The following MTA3 variants were observed in gnomAD, a reference collection of about 807,000 sequenced individuals.
MTA3 encodes metastasis associated 1 family member 3, also known as metastasis-associated protein MTA3.
MTA3 carries 34 observed loss-of-function variants against 83.5 expected under a neutral mutation model. The ratio of observed to expected loss-of-function variants is 0.41; its 90% CI spans 0.31 to 0.54. MTA3 has a LOEUF of 0.54. Ranked by LOEUF, MTA3 falls within the 20% of genes least tolerant of loss-of-function variation. The probability of loss-of-function intolerance (pLI) is 0.33; values close to 1 mark genes in which losing one functional copy is unlikely to be tolerated. For synonymous variants in MTA3, 303 were observed against 252.7 expected (o/e 1.20, Z -1.89); for missense variants, 761 against 726.4 (o/e 1.05, Z -0.55).
chr2:42,538,257 T>A (rs763966612), intron 2 of MTA3, among the ~76,000 whole-genome samples: 25 of 151,762 alleles, frequency 1.6e-4, no homozygotes, highest in Non-Finnish European at 2.5e-4. Context: ...TAAAATAATT[T>A]TGACAATAAT....
At chr2:42,709,830 A>G (rs1283166007) in intron 14 of MTA3, among the ~76,000 whole-genome samples, 1 of 152,192 alleles carries the variant, frequency 6.6e-6, no homozygotes, top group African/African-American at 2.4e-5. Context: ...TAACATTTAC[A>G]TGACTTACTA....
chr2:42,535,359 C>T (rs1266157887), intron 2 of MTA3, among the ~76,000 whole-genome samples: 1 of 152,132 alleles, frequency 6.6e-6, no homozygotes, highest in East Asian at 1.9e-4. Context: ...TGCACTCCAG[C>T]CTGGGCAACA....
chr2:42,547,388 C>G (rs964026008), intron 2 of MTA3, among the ~76,000 whole-genome samples: 1 of 152,232 alleles, frequency 6.6e-6, no homozygotes, highest in African/African-American at 2.4e-5. Context: ...AGTGCAGTGG[C>G]GCAATCTCTG....
intron 12 of MTA3, among the ~76,000 whole-genome samples, chr2:42,704,831 C>G (rs923839443): frequency 6.6e-6 from 1 of 152,178 alleles, no homozygotes; most frequent in Non-Finnish European, 1.5e-5. Flanking sequence ...CTGTATTTAT[C>G]TATGGTGGCA....
In MTA3 at chr2:42,756,093, C is replaced by G. The variant is rs570387082; in HGVS notation, c.*2694C>G. On this transcript the variant is annotated 3_prime_UTR_variant, in exon 17 of 17. Coordinates refer to ENST00000405094, the MANE Select transcript of MTA3 (RefSeq NM_001330442.2). ...ACACAAAACAAGAAAAGCTGAGAGGCAAAACAGGGGAGTGAGGGGCAACCC... is the reference window on the plus strand; with the variant it reads ...ACACAAAACAAGAAAAGCTGAGAGGGAAAACAGGGGAGTGAGGGGCAACCC... The G allele has an allele frequency of 2.2e-5, 20 of 916,840 alleles. No homozygotes were observed. The highest frequency in any genetic ancestry group is 2.3e-5 in the Non-Finnish European group (18 of 767,430). The allele number at this position is 916,840 out of a possible 1,614,324, so 56.8% of individuals were successfully genotyped here. A position where few individuals can be genotyped will look rare whatever the true frequency, so the allele number is the denominator to read the frequency against.
At chr2:42,573,628 A>G (rs1678723345) in intron 2 of MTA3, among the ~76,000 whole-genome samples, 1 of 152,152 alleles carries the variant, frequency 6.6e-6, no homozygotes, top group African/African-American at 2.4e-5. Context: ...CTTCTGCCTC[A>G]GCCTCCCGAA....
At chr2:42,548,323 G>T (rs1486282386) in intron 2 of MTA3, among the ~76,000 whole-genome samples, 1 of 152,004 alleles carries the variant, frequency 6.6e-6, no homozygotes, top group Non-Finnish European at 1.5e-5. Flanking sequence ...AAAATTAGCG[G>T]AGCTTGGTGG....
At chr2:42,653,824 A>G (rs759371167) in intron 6 of MTA3, among the ~76,000 whole-genome samples, 7 of 152,226 alleles carry the variant, frequency 4.6e-5, no homozygotes, top group Non-Finnish European at 1.0e-4. Flanking sequence ...GGAGTATACA[A>G]CAGAAGGGGC....
chr2:42,753,360 C>A lies in MTA3; in HGVS notation c.1760-14C>A. On this transcript the variant is annotated splice_polypyrimidine_tract_variant and intron_variant, in intron 16 of 16. Coordinates refer to ENST00000405094, the MANE Select transcript of MTA3 (RefSeq NM_001330442.2). ...GACTTGTTTAACCTTCACACTGTTA[C>A]TTCCCTTTTCTAGAACTCACGTGCT... 1 of 1,550,568 alleles carries A rather than the reference C, an allele frequency of 6.4e-7. No homozygotes were observed. Among genetic ancestry groups the A allele is most frequent in the Non-Finnish European group, 8.7e-7 (1 of 1,146,954 alleles).
chr2:42,601,063 C>G (rs1043873943), intron 3 of MTA3, among the ~76,000 whole-genome samples: 1 of 152,068 alleles, frequency 6.6e-6, no homozygotes, highest in Non-Finnish European at 1.5e-5. Context: ...TGCGCCTCCA[C>G]GTCCGGCTAA....
rs72800096 is a variant in MTA3 at position 42,613,256 on chromosome 2, T to G, written c.317+3672T>G. 1.6e-3 allele frequency among the ~76,000 whole-genome samples: 243 copies of G among 152,364 alleles called. 1 individual carries two copies. The highest frequency in any genetic ancestry group is 2.7e-3 in the Non-Finnish European group (182 of 68,038). On this transcript the variant is annotated intron_variant, in intron 4 of 16. Coordinates refer to ENST00000405094, the MANE Select transcript of MTA3 (RefSeq NM_001330442.2). Reference sequence around the variant, plus strand: ...GATAATTGAGACAAGGGACCTAGCTTATAAATTCAGTGAGTTTACCGGGTG... The same window carrying G: ...GATAATTGAGACAAGGGACCTAGCTGATAAATTCAGTGAGTTTACCGGGTG...
intron 16 of MTA3, among the ~76,000 whole-genome samples, chr2:42,731,464 A>G (rs1454152019): frequency 1.3e-5 from 2 of 152,216 alleles, no homozygotes; most frequent in Non-Finnish European, 1.5e-5. Context: ...CACTTTTTAC[A>G]TGGTGGCAGC....
intron 2 of MTA3, among the ~76,000 whole-genome samples, chr2:42,562,304 C>G (rs1677707814): frequency 6.6e-6 from 1 of 152,064 alleles, no homozygotes; most frequent in Non-Finnish European, 1.5e-5. Context: ...TGGGGGGCCA[C>G]CATTCAACCC....
chr2:42,580,589 C>T (rs1008591377), intron 3 of MTA3, among the ~76,000 whole-genome samples: 1 of 149,732 alleles, frequency 6.7e-6, no homozygotes, highest in East Asian at 2.0e-4. Flanking sequence ...TCAGGCTGGT[C>T]TGGAACTCCT....
At chr2:42,753,098 TA>T (rs1328622542) in intron 16 of MTA3, among the ~76,000 whole-genome samples, 2 of 152,068 alleles carry the variant, frequency 1.3e-5, no homozygotes, top group Non-Finnish European at 2.9e-5. Context: ...GCTAACTTTT[TA>T]TTTTTATTTT....
intron 2 of MTA3, among the ~76,000 whole-genome samples, chr2:42,523,274 G>A (rs910408641): frequency 4.6e-5 from 7 of 152,156 alleles, no homozygotes; most frequent in East Asian, 1.9e-4. Flanking sequence ...TCCTGAGTAA[G>A]GAAGCAGTTA....
intron 2 of MTA3, among the ~76,000 whole-genome samples, chr2:42,546,601 C>G (rs1191727439): frequency 6.6e-6 from 1 of 152,102 alleles, no homozygotes; most frequent in Admixed American, 6.6e-5. Context: ...TCTAGTCAAA[C>G]TAGAGGCGTT....
intron 4 of MTA3, among the ~76,000 whole-genome samples, chr2:42,627,474 T>C (rs1686220149): frequency 6.6e-6 from 1 of 152,212 alleles, no homozygotes; most frequent in Non-Finnish European, 1.5e-5. Context: ...TTCTTCTTAG[T>C]CTTTCCCTTT....
chr2:42,537,222 A>T (rs1383247591), intron 2 of MTA3, among the ~76,000 whole-genome samples: 1 of 152,160 alleles, frequency 6.6e-6, no homozygotes, highest in African/African-American at 2.4e-5. Flanking sequence ...ACTAAAAAAC[A>T]ACCAGTCAAG....
Sources: gnomAD v4.1 joint callset for allele counts (sites outside exome capture counted in the v4.1 genomes callset) on GRCh38, gnomAD v4.1.1 for gene constraint, MANE v1.5 for transcripts, NCBI Gene and HGNC (gene_info 2026-07-23, HGNC 2026-07-21) for gene names.